The following PRKCH variants were observed in gnomAD, a reference collection of about 807,000 sequenced individuals.
The protein encoded by PRKCH is protein kinase C eta, also known as protein kinase C eta type.
In PRKCH, 28 loss-of-function variants were observed where a neutral mutation model predicts 82.5. The observed-to-expected ratio is 0.34, with a 90% confidence interval of 0.25 to 0.47. The LOEUF is 0.47. PRKCH is among the 20% of genes least tolerant of loss of function. PRKCH has a pLI of 1.00. For synonymous variants in PRKCH, 322 were observed against 327.4 expected (o/e 0.98, Z 0.18); for missense variants, 705 against 881.8 (o/e 0.80, Z 2.54).
At position 61,457,634 on chromosome 14, in the gene PRKCH, C is replaced by T; in HGVS notation, c.1233C>T (p.Arg411=). 1 of 1,614,192 alleles carries T rather than the reference C, an allele frequency of 6.2e-7. No individual in the cohort carries two copies. Among genetic ancestry groups the T allele is most frequent in the Non-Finnish European group, 8.5e-7 (1 of 1,180,034 alleles). The change falls in exon 9 of 14, where the codon CGC becomes CGT. Residue 411 remains arginine, a synonymous_variant. Transcript: ENST00000332981. ...MTEKRILSLA[R]NHPFLTQLFC... The stretch of plus-strand genomic sequence containing the variant: ...AGAAAAGGATCCTGTCTCTGGCCCG[C>T]AATCACCCCTTCCTCACTCAGTTGT...
At chr14:61,295,161 T>G (rs1201271021) in intron 1 of PRKCH, among the ~76,000 whole-genome samples, 1 of 152,218 alleles carries the variant, frequency 6.6e-6, no homozygotes, top group African/African-American at 2.4e-5. Flanking sequence ...CCACCACGCC[T>G]GGCTCTTGTA....
intron 1 of PRKCH, among the ~76,000 whole-genome samples, chr14:61,315,756 T>A (rs1270902502): frequency 6.6e-6 from 1 of 151,292 alleles, no homozygotes; most frequent in African/African-American, 2.4e-5. Flanking sequence ...TTACTGGATT[T>A]TTTTTTTTTT....
intron 2 of PRKCH, among the ~76,000 whole-genome samples, chr14:61,428,112 C>CACATATATATATATATATAT (rs1391102641): frequency 6.2e-5 from 9 of 145,520 alleles, no homozygotes; most frequent in South Asian, 4.3e-4. Context: ...TATATACACA[C>CACATATATATATATATATAT]ATATATATAT....
intron 13 of PRKCH, 70 bp downstream of exon 13, chr14:61,547,956 G>A: frequency 1.3e-6 from 2 of 1,567,788 alleles, no homozygotes; most frequent in African/African-American, 1.3e-5. Context: ...AAAGTCCGTA[G>A]AAGAGCTGGA....
chr14:61,208,445 A>G (rs2044544308), intron 1 of PRKCH, among the ~76,000 whole-genome samples: 1 of 152,226 alleles, frequency 6.6e-6, no homozygotes, highest in Non-Finnish European at 1.5e-5. Flanking sequence ...GTAAGCAACT[A>G]AAAATTATTC....
intron 3 of PRKCH, among the ~76,000 whole-genome samples, chr14:61,445,341 A>G (rs1440241887): frequency 6.6e-6 from 1 of 152,228 alleles, no homozygotes; most frequent in African/African-American, 2.4e-5. Context: ...GCATCTGAAC[A>G]TCTTTATGTG....
chr14:61,281,870 C>CTTTTTTTTTTTTTTTTTTTTTT (rs71117807), intron 1 of PRKCH: 1 of 94,866 alleles, frequency 1.1e-5, no homozygotes, highest in Non-Finnish European at 1.9e-5. Context: ...CAAATTTTAG[C>CTTTTTTTTTTTTTTTTTTTTTT]TTTTTTTTTT....
At chr14:61,233,202 G>A (rs550610424) in intron 1 of PRKCH, among the ~76,000 whole-genome samples, 2 of 151,984 alleles carry the variant, frequency 1.3e-5, no homozygotes, top group Non-Finnish European at 2.9e-5. Flanking sequence ...GTCAGCCTGG[G>A]CAACATAGTG....
intron 10 of PRKCH, among the ~76,000 whole-genome samples, chr14:61,497,929 A>G (rs1022478724): frequency 6.6e-6 from 1 of 152,126 alleles, no homozygotes; most frequent in Non-Finnish European, 1.5e-5. Flanking sequence ...GAGGTAATAT[A>G]GGTGATTTTT....
intron 1 of PRKCH, among the ~76,000 whole-genome samples, chr14:61,386,132 T>C (rs12100914): frequency 0.11 from 17,093 of 152,160 alleles, 1,172 homozygotes; most frequent in African/African-American, 0.16. Flanking sequence ...TCAGAATAAA[T>C]GAAATAACAT....
At chr14:61,545,012 C>G (rs1048027911) in intron 12 of PRKCH, 1 of 152,252 alleles carries the variant, frequency 6.6e-6, no homozygotes, top group African/African-American at 2.4e-5. Context: ...CACCACCAGG[C>G]GCTACCTCTG....
intron 1 of PRKCH, 146 bp from the exon 2 acceptor site, chr14:61,391,079 G>A (rs912679612): frequency 1.7e-6 from 1 of 604,524 alleles, no homozygotes; most frequent in Admixed American, 4.0e-5. Context: ...TTGTTTCCCT[G>A]CCACTCTACT....
At chr14:61,348,516 G>A (rs184387947) in intron 1 of PRKCH, among the ~76,000 whole-genome samples, 64 of 152,316 alleles carry the variant, frequency 4.2e-4, no homozygotes, top group Admixed American at 3.1e-3. Context: ...TTTAGATGGA[G>A]GGAAGCTTCT....
intron 10 of PRKCH, among the ~76,000 whole-genome samples, chr14:61,504,117 G>C (rs139449272): frequency 6.6e-6 from 1 of 152,076 alleles, no homozygotes; most frequent in South Asian, 2.1e-4. Context: ...GTCATCATTT[G>C]CCCAGAAAAG....
chr14:61,491,572 C>T (rs17098542), intron 10 of PRKCH, among the ~76,000 whole-genome samples: 29,678 of 152,098 alleles, frequency 0.2, 3,258 homozygotes, highest in African/African-American at 0.3. Context: ...TGCTCTTCAA[C>T]TCTCACCAGA....
At chr14:61,358,303 T>C (rs2140157715) in intron 1 of PRKCH, among the ~76,000 whole-genome samples, 1 of 152,214 alleles carries the variant, frequency 6.6e-6, no homozygotes, top group East Asian at 1.9e-4. Context: ...CTGCTGCTGT[T>C]CTCTTTCAGT....
intron 2 of PRKCH, among the ~76,000 whole-genome samples, chr14:61,407,343 T>G (rs1882007413): frequency 6.6e-6 from 1 of 152,222 alleles, no homozygotes; most frequent in African/African-American, 2.4e-5. Flanking sequence ...AATACCACCA[T>G]CTTATCTAAT....
At chr14:61,395,678 G>A (rs2046768751) in intron 2 of PRKCH, among the ~76,000 whole-genome samples, 1 of 152,102 alleles carries the variant, frequency 6.6e-6, no homozygotes, top group Non-Finnish European at 1.5e-5. Context: ...TATGTTAGTG[G>A]GATTTTCATT....
chr14:61,391,199 A>G, intron 1 of PRKCH, 26 bp from the exon 2 acceptor site: 1 of 1,585,428 alleles, frequency 6.3e-7, no homozygotes, highest in African/African-American at 1.4e-5. Flanking sequence ...CTAACATATA[A>G]TATACATTTT....
Sources: allele counts gnomAD v4.1 joint callset (sites outside exome capture counted in the v4.1 genomes callset), GRCh38; gene constraint gnomAD v4.1.1; transcripts MANE v1.5; gene names NCBI Gene and HGNC (gene_info 2026-07-23, HGNC 2026-07-21).